The following YARS1 variants were observed in gnomAD, a reference collection of about 807,000 sequenced individuals.
YARS1 encodes the protein tyrosyl-tRNA synthetase 1.
A neutral mutation model predicts 62.2 loss-of-function variants in YARS1; 36 were observed. The observed-to-expected ratio is 0.58, with a 90% CI of 0.44 to 0.76. The LOEUF (loss-of-function observed/expected upper bound fraction) is 0.76. YARS1 is among the 30% of genes least tolerant of loss of function. YARS1 has a pLI of 0.00. For synonymous variants in YARS1, 234 were observed against 244.9 expected, an observed-to-expected ratio of 0.96 and a Z score of 0.42; for missense variants, 524 against 639.8, an observed-to-expected ratio of 0.82 and a Z score of 1.95.
At chr1:32,806,368 A>C in intron 4 of YARS1, 114 bp downstream of exon 4, 2 of 1,571,566 alleles carry the variant, frequency 1.3e-6, no homozygotes, top group Non-Finnish European at 1.7e-6. Context: ...CACACCTTCA[A>C]TTTGTAAAAA....
At chr1:32,780,837 C>A in intron 10 of YARS1, 2 of 620,310 alleles carry the variant, frequency 3.2e-6, no homozygotes, top group South Asian at 3.6e-5. Context: ...ATCCGTCCCC[C>A]ATGCTGAGTT....
intron 9 of YARS1, chr1:32,781,360 C>T (rs373713663): frequency 8.5e-6 from 5 of 587,864 alleles, no homozygotes; most frequent in Admixed American, 5.3e-5. Context: ...ATTAGACTAG[C>T]GGGGAGGGAG....
At chr1:32,806,924 C>T (rs1260143554) in intron 3 of YARS1, among the ~76,000 whole-genome samples, 3 of 152,154 alleles carry the variant, frequency 2.0e-5, no homozygotes, top group Non-Finnish European at 4.4e-5. Flanking sequence ...TGTAACAAAC[C>T]TGCACATGCA....
chr1:32,782,766 G>A (rs1191042701), intron 8 of YARS1: 2 of 582,214 alleles, frequency 3.4e-6, no homozygotes, highest in Non-Finnish European at 6.0e-6. Context: ...GTGTTTAGGA[G>A]CTGAATGTAT....
At position 32,810,689 on chromosome 1, in the gene YARS1, G is replaced by GACT. The variant is rs1167869860; in HGVS notation, c.279_281dup (p.Val94dup). ...CTTTGATCACATTCTCATAGTAACT[G>GACT]ACTCGGAGTTCTAGAAGTTCCCATG... On this transcript the variant is annotated inframe_insertion, in exon 3 of 13. Transcript: ENST00000373477. 6.2e-7 allele frequency: 1 copy of GACT among 1,613,986 alleles called. No individual in the cohort carries two copies. The highest frequency in any genetic ancestry group is 8.5e-7 in the Non-Finnish European group (1 of 1,180,044).
At position 32,776,208 on chromosome 1, in the gene YARS1, C is replaced by T. The variant is rs185981584; in HGVS notation, c.1477-117G>A. The T allele has an allele frequency of 3.6e-4, 313 of 872,970 alleles. 1 individual carries two copies. Among genetic ancestry groups the T allele is most frequent in the African/African-American group, 2.5e-3 (152 of 60,008 alleles). The allele number at this position is 872,970 out of a possible 1,614,324, so 54.1% of individuals were successfully genotyped here. A position where few individuals can be genotyped will look rare whatever the true frequency, so the allele number is the denominator to read the frequency against. On this transcript the variant is annotated intron_variant, in intron 12 of 12. Transcript: ENST00000373477. This position sits in a 1 kb window ranked among gnomAD's most constrained non-coding sequence, Gnocchi z 4.0. Reference sequence around the variant, plus strand: ...TGTTGCCCAGGCTGGAGTGCAATGGCGTGATCTTGGCTCACCGCAACCTCT... The same window carrying T: ...TGTTGCCCAGGCTGGAGTGCAATGGTGTGATCTTGGCTCACCGCAACCTCT...
chr1:32,784,008 C>CTT (rs201644360), intron 8 of YARS1, among the ~76,000 whole-genome samples: 35 of 142,082 alleles, frequency 2.5e-4, no homozygotes, highest in South Asian at 1.4e-3. Context: ...CCACAAAAGA[C>CTT]TTTTTTTTTT....
chr1:32,803,873 C>T (rs957428786), intron 4 of YARS1, among the ~76,000 whole-genome samples: 1 of 152,056 alleles, frequency 6.6e-6, no homozygotes, highest in African/African-American at 2.4e-5. Context: ...TTTTCCTAGG[C>T]AGAGGACCCT....
At chr1:32,815,344 C>T (rs1461944167) in intron 1 of YARS1, among the ~76,000 whole-genome samples, 1 of 152,024 alleles carries the variant, frequency 6.6e-6, no homozygotes, top group Non-Finnish European at 1.5e-5. Flanking sequence ...AGATAAACTC[C>T]GTTCCAGAAA....
chr1:32,799,078 G>A (rs1295257606), intron 4 of YARS1, among the ~76,000 whole-genome samples: 2 of 152,250 alleles, frequency 1.3e-5, no homozygotes, highest in Admixed American at 6.5e-5. Context: ...TAAGATGGGT[G>A]TGGAGAAGTC....
At chr1:32,790,191 T>TTC (rs1653369350) in intron 6 of YARS1, among the ~76,000 whole-genome samples, 1 of 140,482 alleles carries the variant, frequency 7.1e-6, no homozygotes, top group South Asian at 2.1e-4. Context: ...CTTTTTTTTT[T>TTC]TTTTTTTTTT....
chr1:32,785,118 T>C (rs905883344), intron 8 of YARS1, among the ~76,000 whole-genome samples: 1 of 152,182 alleles, frequency 6.6e-6, no homozygotes, highest in Non-Finnish European at 1.5e-5. Context: ...GGGAACCACC[T>C]GAATCCTCAT....
Position 32,775,382 on chromosome 1 carries a change from T to A in YARS1, c.*599A>T, listed in dbSNP as rs542816112. On this transcript the variant is annotated 3_prime_UTR_variant, in exon 13 of 13. Coordinates refer to ENST00000373477, the MANE Select transcript of YARS1 (RefSeq NM_003680.4). ...CTGATGCTAACAACACGCAGCTGAT[T>A]TAGGGAGTGTCCCAGCCTAGCTGGA... 1 of 154,894 alleles carries A rather than the reference T, an allele frequency of 6.5e-6. No homozygotes were observed. Among genetic ancestry groups the A allele is most frequent in the Non-Finnish European group, 1.4e-5 (1 of 69,762 alleles). The allele number at this position is 154,894 out of a possible 1,614,324, so 9.6% of individuals were successfully genotyped here. A position where few individuals can be genotyped will look rare whatever the true frequency, so the allele number is the denominator to read the frequency against.
intron 4 of YARS1, among the ~76,000 whole-genome samples, chr1:32,801,198 A>G (rs968251667): frequency 6.6e-5 from 10 of 152,152 alleles, no homozygotes; most frequent in Non-Finnish European, 1.5e-4. Context: ...TAGGTTGGAG[A>G]AGGAATAGAA....
chr1:32,804,786 C>A (rs1006132643), intron 4 of YARS1, among the ~76,000 whole-genome samples: 1 of 150,756 alleles, frequency 6.6e-6, no homozygotes, highest in Non-Finnish European at 1.5e-5. Context: ...ACATCCCAGA[C>A]GATGGGCGGC....
chr1:32,811,310 C>T (rs1638579242), intron 1 of YARS1: 1 of 542,086 alleles, frequency 1.8e-6, no homozygotes, highest in African/African-American at 1.9e-5. Flanking sequence ...GCCTCTTACC[C>T]ACCCCCCTTC....
At chr1:32,779,629 G>C in intron 11 of YARS1, 106 bp from the exon 12 acceptor site, 1 of 1,462,694 alleles carries the variant, frequency 6.8e-7, no homozygotes, top group South Asian at 1.2e-5. Context: ...ATGGGATTTA[G>C]GGCATCCTCA....
chr1:32,801,911 T>G (rs574101008), intron 4 of YARS1, among the ~76,000 whole-genome samples: 62 of 150,882 alleles, frequency 4.1e-4, no homozygotes, highest in African/African-American at 1.5e-3. Flanking sequence ...ATCTTCAGGC[T>G]CCACTCCTAA....
chr1:32,810,106 C>A (rs374509030), intron 3 of YARS1, among the ~76,000 whole-genome samples: 1,016 of 120,822 alleles, frequency 8.4e-3, no homozygotes, highest in Middle Eastern at 0.012. Flanking sequence ...AACTCCACCT[C>A]AAAAAAAAAA....
Sources: gnomAD v4.1 joint callset for allele counts (sites outside exome capture counted in the v4.1 genomes callset) on GRCh38, gnomAD v4.1.1 for gene constraint, Gnocchi (gnomAD v3.1) non-coding constraint, MANE v1.5 for transcripts, NCBI Gene and HGNC (gene_info 2026-07-23, HGNC 2026-07-21) for gene names.